EIF2B1: variants seen among roughly 807,000 people sequenced by gnomAD.
The protein encoded by EIF2B1 is eukaryotic translation initiation factor 2B subunit alpha, also known as translation initiation factor eIF2B subunit alpha.
In EIF2B1, 30 loss-of-function variants were observed where a neutral mutation model predicts 36.8. The observed-to-expected ratio is 0.81, with a 90% CI of 0.61 to 1.10. EIF2B1 has a LOEUF of 1.10. EIF2B1 is among the 50% of genes least tolerant of loss of function. The pLI is 0.00. For synonymous variants in EIF2B1, 139 were observed against 142.2 expected, an observed-to-expected ratio of 0.98 and a Z score of 0.16; for missense variants, 271 against 374.8, an observed-to-expected ratio of 0.72 and a Z score of 2.29.
chr12:123,633,469 G>C, intron 1 of EIF2B1, 76 bp downstream of exon 1: 2 of 1,599,082 alleles, frequency 1.3e-6, no homozygotes, highest in Non-Finnish European at 1.7e-6. Flanking sequence ...CGGGAGCTCA[G>C]CCTGGATGTG....
In EIF2B1 at chr12:123,630,367, A is replaced by C; in HGVS notation, c.252+30T>G. The C allele has an allele frequency of 1.2e-6, 2 of 1,614,174 alleles. No homozygotes were observed. The highest frequency in any genetic ancestry group is 1.7e-6 in the Non-Finnish European group (2 of 1,180,032). On this transcript the variant is annotated intron_variant, in intron 3 of 8. Transcript: ENST00000424014. This position sits in a 1 kb window ranked among gnomAD's most constrained non-coding sequence, Gnocchi z 4.6. The stretch of plus-strand genomic sequence containing the variant: ...GTCTGTCACTAAACAGAGAAGTGGA[A>C]AGGTAACCCCAGGGAGAACAGGCAC...
At chr12:123,625,332 AC>A (rs1371928283) in intron 6 of EIF2B1, among the ~76,000 whole-genome samples, 1 of 151,748 alleles carries the variant, frequency 6.6e-6, no homozygotes, top group Non-Finnish European at 1.5e-5. Context: ...CTCAGCCCAA[AC>A]CTCTACCTCT....
Position 123,633,537 on chromosome 12 carries a change from T to G in EIF2B1, c.13+8A>C, listed in dbSNP as rs1354587819. The G allele has an allele frequency of 6.2e-7, 1 of 1,613,486 alleles. No individual in the cohort carries two copies. Among genetic ancestry groups the G allele is most frequent in the Non-Finnish European group, 8.5e-7 (1 of 1,180,000 alleles). ...GTAGCCTAGCAGCCCTGGCCTGTCT[T>G]GATTTACCCTTGTCGTCCATGGCGT... On this transcript the variant is annotated splice_region_variant and intron_variant, in intron 1 of 8. Coordinates refer to ENST00000424014, the MANE Select transcript of EIF2B1 (RefSeq NM_001414.4).
chr12:123,622,216 T>TGCA (rs1169345752), intron 8 of EIF2B1, among the ~76,000 whole-genome samples: 4 of 152,190 alleles, frequency 2.6e-5, no homozygotes, highest in African/African-American at 9.7e-5. Flanking sequence ...ATAGAGAGCT[T>TGCA]GCAGCGTGCC....
At position 123,620,598 on chromosome 12, in the gene EIF2B1, A is replaced by ATG; in HGVS notation, c.*1157_*1158insCA. On this transcript the variant is annotated 3_prime_UTR_variant, in exon 9 of 9. Coordinates refer to ENST00000424014, the MANE Select transcript of EIF2B1 (RefSeq NM_001414.4). Reference sequence around the variant, plus strand: ...GTACATATTATATATATATATATATATATATATATATATATATATATATAT... The same window carrying ATG: ...GTACATATTATATATATATATATATATGTATATATATATATATATATATATAT... 1 of 70,500 alleles carries ATG rather than the reference A, an allele frequency of 1.4e-5. No homozygotes were observed. The highest frequency in any genetic ancestry group is 3.5e-5 in the Non-Finnish European group (1 of 28,790). The allele number at this position is 70,500 out of a possible 1,614,324, so 4.4% of individuals were successfully genotyped here. A position where few individuals can be genotyped will look rare whatever the true frequency, so the allele number is the denominator to read the frequency against.
chr12:123,629,003 G>A (rs111914069), intron 4 of EIF2B1, among the ~76,000 whole-genome samples: 1,619 of 141,820 alleles, frequency 0.011, 32 homozygotes, highest in African/African-American at 0.045. Flanking sequence ...AGGCCCCAGC[G>A]AGAGGAAGTC....
chr12:123,630,003 A>G lies in EIF2B1; in HGVS notation c.369+166T>C. The G allele has an allele frequency of 1.4e-6, 1 of 701,414 alleles. No homozygotes were observed. The highest frequency in any genetic ancestry group is 1.6e-5 in the South Asian group (1 of 63,504). 43.4% of individuals were successfully genotyped at this position (701,414 alleles called of 1,614,324 possible). Reference sequence around the variant, plus strand: ...AATCCTCACAACAACCCAAGGAGGTAGGTACTATTGTCATCCTTATTTAAC... The same window carrying G: ...AATCCTCACAACAACCCAAGGAGGTGGGTACTATTGTCATCCTTATTTAAC... On this transcript the variant is annotated intron_variant, in intron 4 of 8. Coordinates refer to ENST00000424014, the MANE Select transcript of EIF2B1 (RefSeq NM_001414.4). This position sits in a 1 kb window ranked among gnomAD's most constrained non-coding sequence, Gnocchi z 4.6.
intron 8 of EIF2B1, 43 bp from the exon 9 acceptor site, chr12:123,621,963 G>A (rs770353028): frequency 1.2e-6 from 2 of 1,609,156 alleles, no homozygotes; most frequent in Non-Finnish European, 1.7e-6. Context: ...AATATTTAGT[G>A]CTCTGACCTG....
chr12:123,631,069 A>T (rs1955183300), intron 2 of EIF2B1, among the ~76,000 whole-genome samples: 1 of 152,204 alleles, frequency 6.6e-6, no homozygotes, highest in Admixed American at 6.5e-5. Context: ...AATAATACTA[A>T]TACCAGAATT....
At chr12:123,624,133 GTA>G (rs1055765144) in intron 7 of EIF2B1, among the ~76,000 whole-genome samples, 1 of 148,524 alleles carries the variant, frequency 6.7e-6, no homozygotes, top group African/African-American at 2.5e-5. Context: ...AAATATTTGT[GTA>G]TATATATTAT....
Position 123,620,532 on chromosome 12 carries a change from A to AGATGTCAGTATTTATC in EIF2B1, c.*1208_*1223dup, listed in dbSNP as rs1171184913. ...GTAAAATTATTTGAGTGTAAATAAT[A>AGATGTCAGTATTTATC]GATGTCAGTATTTATCATGATGGGT... On this transcript the variant is annotated 3_prime_UTR_variant, in exon 9 of 9. Transcript: ENST00000424014. 1 of 150,460 alleles carries AGATGTCAGTATTTATC rather than the reference A, an allele frequency of 6.6e-6. No individual in the cohort carries two copies. Among genetic ancestry groups the AGATGTCAGTATTTATC allele is most frequent in the Non-Finnish European group, 1.4e-5 (1 of 69,338 alleles). The allele number at this position is 150,460 out of a possible 1,614,324, so 9.3% of individuals were successfully genotyped here. A position where few individuals can be genotyped will look rare whatever the true frequency, so the allele number is the denominator to read the frequency against.
In EIF2B1 at chr12:123,621,530, A is replaced by G; in HGVS notation, c.*226T>C. On this transcript the variant is annotated 3_prime_UTR_variant, in exon 9 of 9. Transcript: ENST00000424014. ...CTGGAAACTGAAAAGGAAAGTTTCTAGAAACCGTAAGAACAATTTAAGTTG... is the reference window on the plus strand; with the variant it reads ...CTGGAAACTGAAAAGGAAAGTTTCTGGAAACCGTAAGAACAATTTAAGTTG... The G allele has an allele frequency of 3.5e-6, 2 of 577,540 alleles. No homozygotes were observed. The highest frequency in any genetic ancestry group is 3.0e-6 in the Non-Finnish European group (1 of 329,088). 35.8% of individuals were successfully genotyped at this position (577,540 alleles called of 1,614,324 possible).
At chr12:123,626,609 T>A in intron 5 of EIF2B1, 116 bp from the exon 6 acceptor site, 1 of 1,173,926 alleles carries the variant, frequency 8.5e-7, no homozygotes, top group Non-Finnish European at 1.3e-6. Context: ...ACTAATGGGT[T>A]AAGGGGCAGA....
intron 4 of EIF2B1, among the ~76,000 whole-genome samples, chr12:123,627,901 G>A (rs753233375): frequency 1.3e-5 from 2 of 152,160 alleles, no homozygotes; most frequent in African/African-American, 4.8e-5. Flanking sequence ...CCCAGCTGGC[G>A]TCATGTGGCC....
At chr12:123,627,648 A>C (rs1183734036) in intron 4 of EIF2B1, among the ~76,000 whole-genome samples, 1 of 152,162 alleles carries the variant, frequency 6.6e-6, no homozygotes, top group Non-Finnish European at 1.5e-5. Flanking sequence ...GGAGTTCAAA[A>C]CCAGTCTGGG....
chr12:123,631,430 T>C (rs1955185592), intron 2 of EIF2B1, among the ~76,000 whole-genome samples: 1 of 152,144 alleles, frequency 6.6e-6, no homozygotes, highest in Non-Finnish European at 1.5e-5. Context: ...CTCAGCACTT[T>C]GGGAGGGCGA....
At chr12:123,622,069 CAG>C in intron 8 of EIF2B1, 149 bp from the exon 9 acceptor site, 1 of 1,169,982 alleles carries the variant, frequency 8.5e-7, no homozygotes, top group African/African-American at 1.5e-5. Flanking sequence ...GAGACGAGGG[CAG>C]AGTTGTGGCC....
At position 123,621,337 on chromosome 12, in the gene EIF2B1, T is replaced by G; in HGVS notation, c.*419A>C. 3.3e-6 allele frequency: 1 copy of G among 298,830 alleles called. No individual in the cohort carries two copies. Among genetic ancestry groups the G allele is most frequent in the South Asian group, 3.1e-5 (1 of 31,922 alleles). The allele number at this position is 298,830 out of a possible 1,614,324, so 18.5% of individuals were successfully genotyped here. A position where few individuals can be genotyped will look rare whatever the true frequency, so the allele number is the denominator to read the frequency against. ...CTTGCCTCTTACAAGGCACCGCGTGTAACGTCCTGACCAGCTGTTGGTCAT... is the reference window on the plus strand; with the variant it reads ...CTTGCCTCTTACAAGGCACCGCGTGGAACGTCCTGACCAGCTGTTGGTCAT... On this transcript the variant is annotated 3_prime_UTR_variant, in exon 9 of 9. Coordinates refer to ENST00000424014, the MANE Select transcript of EIF2B1 (RefSeq NM_001414.4).
intron 7 of EIF2B1, among the ~76,000 whole-genome samples, chr12:123,623,403 T>G (rs1016391697): frequency 6.6e-6 from 1 of 151,982 alleles, no homozygotes; most frequent in African/African-American, 2.4e-5. Flanking sequence ...TAAAAAAATT[T>G]AAAAAAACAA....
Sources: gnomAD v4.1 joint callset for allele counts (sites outside exome capture counted in the v4.1 genomes callset) on GRCh38, gnomAD v4.1.1 for gene constraint, Gnocchi (gnomAD v3.1) non-coding constraint, MANE v1.5 for transcripts, NCBI Gene and HGNC (gene_info 2026-07-23, HGNC 2026-07-21) for gene names.